Variants in SKAP1 observed in about 807,000 individuals in gnomAD.
SKAP1 encodes src kinase associated phosphoprotein 1, also known as src kinase-associated phosphoprotein 1.
Under a neutral mutation model 58.5 loss-of-function variants are expected in SKAP1, and 44 were observed. That is an observed-to-expected ratio of 0.75 (90% CI 0.59 to 0.97). The LOEUF (loss-of-function observed/expected upper bound fraction) is 0.97, where lower values mean the gene tolerates loss of function less well. Ranked by LOEUF, SKAP1 falls within the 50% of genes least tolerant of loss-of-function variation. SKAP1 has a pLI of 0.00. For synonymous variants in SKAP1, 127 were observed against 149.7 expected, an observed-to-expected ratio of 0.85 and a Z score of 1.11; for missense variants, 390 against 435.2, an observed-to-expected ratio of 0.90 and a Z score of 0.92.
chr17:48,255,415 AAT>A (rs891124442), intron 4 of SKAP1, among the ~76,000 whole-genome samples: 7 of 149,468 alleles, frequency 4.7e-5, no homozygotes, highest in African/African-American at 1.5e-4. Context: ...GTACTAACTA[AAT>A]ATATATATAT....
chr17:48,433,452 G>A (rs992833849), upstream of SKAP1, among the ~76,000 whole-genome samples: 2 of 152,122 alleles, frequency 1.3e-5, no homozygotes, highest in South Asian at 4.1e-4. Flanking sequence ...ACAGGCAGGA[G>A]GACAGAACAG....
At chr17:48,230,326 C>T (rs1205370741) in intron 4 of SKAP1, among the ~76,000 whole-genome samples, 8 of 152,196 alleles carry the variant, frequency 5.3e-5, no homozygotes, top group Non-Finnish European at 1.0e-4. Context: ...GTTAAAGCAT[C>T]AACAAAGCTT....
intron 4 of SKAP1, among the ~76,000 whole-genome samples, chr17:48,302,559 T>C (rs1351480508): frequency 1.3e-5 from 2 of 152,340 alleles, no homozygotes; most frequent in Admixed American, 6.5e-5. Context: ...TATGCTGAAG[T>C]TACTCCGCCA....
At chr17:48,412,565 G>A (rs2067678328) in intron 1 of SKAP1, among the ~76,000 whole-genome samples, 1 of 152,128 alleles carries the variant, frequency 6.6e-6, no homozygotes, top group African/African-American at 2.4e-5. Flanking sequence ...GGGGAATAAA[G>A]AAGATCCTAC....
At chr17:48,269,280 GTAAA>G (rs1175909364) in intron 4 of SKAP1, among the ~76,000 whole-genome samples, 4 of 151,900 alleles carry the variant, frequency 2.6e-5, no homozygotes, top group African/African-American at 7.3e-5. Flanking sequence ...AGTGATAAAA[GTAAA>G]TAAATAAATT....
chr17:48,288,456 T>C (rs9913760), intron 4 of SKAP1, among the ~76,000 whole-genome samples: 77,085 of 152,040 alleles, frequency 0.51, 20,472 homozygotes, highest in African/African-American at 0.65. Flanking sequence ...GAGGCCAACG[T>C]GGGTGGATCA....
chr17:48,250,712 A>G (rs2065354533), intron 4 of SKAP1, among the ~76,000 whole-genome samples: 1 of 152,154 alleles, frequency 6.6e-6, no homozygotes, highest in African/African-American at 2.4e-5. Flanking sequence ...CTTTATTTTT[A>G]TAATCATCTC....
chr17:48,152,810 C>T lies in SKAP1; in HGVS notation c.978+9659G>A, dbSNP rs547152576. On this transcript the variant is annotated intron_variant, in intron 11 of 12. Transcript: ENST00000336915. ...ACAGTGAATTTATTATTACCTCTGT[C>T]AAAAGACGAAGACGTTAACAGCATT... Among the ~76,000 whole-genome samples, 192 of 152,310 alleles carry T rather than the reference C, an allele frequency of 1.3e-3. 1 individual carries two copies. The highest frequency in any genetic ancestry group is 4.6e-3 in the African/African-American group (190 of 41,572).
intron 2 of SKAP1, among the ~76,000 whole-genome samples, chr17:48,369,504 A>AG (rs2067057413): frequency 6.6e-6 from 1 of 151,466 alleles, no homozygotes; most frequent in African/African-American, 2.4e-5. Flanking sequence ...AAAAAAAAAA[A>AG]GTAAAAAATA....
chr17:48,147,739 A>C (rs2063849109), intron 11 of SKAP1, among the ~76,000 whole-genome samples: 1 of 152,124 alleles, frequency 6.6e-6, no homozygotes, highest in African/African-American at 2.4e-5. Flanking sequence ...CTGTTTTACA[A>C]TCTGTTTTAA....
chr17:48,143,661 A>C (rs1337659974), intron 11 of SKAP1, among the ~76,000 whole-genome samples: 1 of 152,166 alleles, frequency 6.6e-6, no homozygotes, highest in Admixed American at 6.5e-5. Context: ...AACTCGTAAA[A>C]ACTAGCTTTA....
chr17:48,421,506 T>A (rs903745616), intron 1 of SKAP1, among the ~76,000 whole-genome samples: 1 of 152,066 alleles, frequency 6.6e-6, no homozygotes, highest in Non-Finnish European at 1.5e-5. Flanking sequence ...GGTTTCACCA[T>A]CTTGGCCAGG....
intron 10 of SKAP1, among the ~76,000 whole-genome samples, chr17:48,165,399 CTTTCTT>C (rs1567801529): frequency 4.2e-5 from 6 of 144,318 alleles, no homozygotes; most frequent in Non-Finnish European, 1.5e-5. Context: ...TTCTTTCTTT[CTTTCTT>C]TTTTTTTTTT....
chr17:48,139,550 T>TA (rs1432735865), intron 11 of SKAP1, among the ~76,000 whole-genome samples: 1 of 152,212 alleles, frequency 6.6e-6, no homozygotes, highest in African/African-American at 2.4e-5. Context: ...ACCAAAGAGC[T>TA]AACTGCTTCT....
intron 4 of SKAP1, among the ~76,000 whole-genome samples, chr17:48,261,797 C>A (rs763566524): frequency 1.4e-4 from 21 of 151,986 alleles, no homozygotes; most frequent in Non-Finnish European, 2.4e-4. Flanking sequence ...TATGGCATTA[C>A]AGGTTCCTTT....
intron 11 of SKAP1, among the ~76,000 whole-genome samples, chr17:48,155,537 C>G (rs1244226405): frequency 6.6e-6 from 1 of 152,118 alleles, no homozygotes; most frequent in Non-Finnish European, 1.5e-5. Context: ...ATAGAGGCTT[C>G]TTACCTCTTT....
intron 4 of SKAP1, among the ~76,000 whole-genome samples, chr17:48,195,258 C>A (rs989103606): frequency 3.3e-5 from 5 of 152,132 alleles, no homozygotes; most frequent in Non-Finnish European, 5.9e-5. Context: ...TTTTCAGGAA[C>A]CAGTCAATAA....
intron 4 of SKAP1, among the ~76,000 whole-genome samples, chr17:48,280,177 A>G (rs968637640): frequency 6.6e-6 from 1 of 152,146 alleles, no homozygotes; most frequent in Admixed American, 6.6e-5. Context: ...TACATAAAAT[A>G]CAATTCTTGG....
intron 1 of SKAP1, 51 bp downstream of exon 1, chr17:48,430,024 C>A: frequency 8.0e-7 from 1 of 1,249,346 alleles, no homozygotes; most frequent in African/African-American, 1.5e-5. Flanking sequence ...GCCTGGTGTC[C>A]CCTTTCGGCC....
Sources: gnomAD v4.1 joint callset for allele counts (sites outside exome capture counted in the v4.1 genomes callset) on GRCh38, gnomAD v4.1.1 for gene constraint, MANE v1.5 for transcripts, NCBI Gene and HGNC (gene_info 2026-07-23, HGNC 2026-07-21) for gene names.